Variants in QTMAN observed in about 807,000 individuals in gnomAD.
The protein encoded by QTMAN is tRNA-queuosine alpha-mannosyltransferase.
chr2:143,981,138 T>C, the QTMAN span, among the ~76,000 whole-genome samples: 24 of 152,240 alleles, frequency 1.6e-4, no homozygotes, highest in Non-Finnish European at 3.2e-4. Flanking sequence ...TTCTTGTATA[T>C]TATTTCATAT....
the QTMAN span, among the ~76,000 whole-genome samples, chr2:144,072,358 C>T: frequency 6.6e-6 from 1 of 152,274 alleles, no homozygotes; most frequent in South Asian, 2.1e-4. Flanking sequence ...TGTGTAAAGA[C>T]AATCTTACTT....
At chr2:144,332,976 C>T in the QTMAN span, among the ~76,000 whole-genome samples, 3 of 152,168 alleles carry the variant, frequency 2.0e-5, no homozygotes, top group African/African-American at 7.2e-5. Context: ...TTTCCTGGTC[C>T]ACTCCCCGGC....
the QTMAN span, among the ~76,000 whole-genome samples, chr2:144,287,228 A>AG: frequency 6.6e-6 from 1 of 152,190 alleles, no homozygotes; most frequent in African/African-American, 2.4e-5. Context: ...CAAGGTCAGG[A>AG]GATCAAGACC....
At chr2:144,073,232 T>C in the QTMAN span, among the ~76,000 whole-genome samples, 2 of 149,372 alleles carry the variant, frequency 1.3e-5, no homozygotes, top group South Asian at 2.1e-4. Flanking sequence ...GGATTAAACA[T>C]ATATATATTT....
chr2:143,992,924 T>C, the QTMAN span, among the ~76,000 whole-genome samples: 1 of 152,164 alleles, frequency 6.6e-6, no homozygotes, highest in Non-Finnish European at 1.5e-5. Context: ...ATTTCCACCT[T>C]GAATTCCTAA....
the QTMAN span, among the ~76,000 whole-genome samples, chr2:144,213,260 G>C: frequency 6.6e-6 from 1 of 152,076 alleles, no homozygotes; most frequent in African/African-American, 2.4e-5. Context: ...CCTAAGCCAT[G>C]ATCATTTTCA....
the QTMAN span, among the ~76,000 whole-genome samples, chr2:144,327,287 T>C: frequency 2.7e-5 from 4 of 150,812 alleles, no homozygotes; most frequent in East Asian, 8.0e-4. Context: ...GCAATATCCA[T>C]TATAATAAAC....
At chr2:144,233,901 T>C in the QTMAN span, among the ~76,000 whole-genome samples, 4 of 152,094 alleles carry the variant, frequency 2.6e-5, no homozygotes, top group Admixed American at 6.6e-5. Flanking sequence ...GTCCAAGTCA[T>C]ATAGTTACCT....
the QTMAN span, among the ~76,000 whole-genome samples, chr2:144,173,883 T>C: frequency 6.6e-6 from 1 of 152,126 alleles, no homozygotes; most frequent in African/African-American, 2.4e-5. Flanking sequence ...GCCTGTCACC[T>C]TCCTCCCCTC....
chr2:144,002,211 G>A, the QTMAN span, among the ~76,000 whole-genome samples: 4 of 151,780 alleles, frequency 2.6e-5, no homozygotes, highest in African/African-American at 7.3e-5. Flanking sequence ...TCATCCCCTC[G>A]ATAGATATCT....
At chr2:144,121,945 C>G in the QTMAN span, among the ~76,000 whole-genome samples, 1 of 151,936 alleles carries the variant, frequency 6.6e-6, no homozygotes, top group Non-Finnish European at 1.5e-5. Context: ...ATGGAGAGAG[C>G]CCAGTAGGTA....
chr2:144,221,981 G>T, the QTMAN span, among the ~76,000 whole-genome samples: 3 of 152,140 alleles, frequency 2.0e-5, no homozygotes, highest in African/African-American at 7.2e-5. Context: ...TACTTTGACA[G>T]TATGTTAGAA....
chr2:144,069,469 A>G, the QTMAN span, among the ~76,000 whole-genome samples: 1 of 152,108 alleles, frequency 6.6e-6, no homozygotes, highest in Admixed American at 6.6e-5. Flanking sequence ...TCCCAGTCAC[A>G]TTATGTCATA....
At chr2:144,053,148 AGAAAT>A in the QTMAN span, among the ~76,000 whole-genome samples, 1 of 152,270 alleles carries the variant, frequency 6.6e-6, no homozygotes, top group African/African-American at 2.4e-5. Context: ...CATTTTAAAA[AGAAAT>A]GAAATAAATA....
chr2:144,046,545 G>A, the QTMAN span, among the ~76,000 whole-genome samples: 1 of 152,142 alleles, frequency 6.6e-6, no homozygotes, highest in African/African-American at 2.4e-5. Flanking sequence ...GCTCATATAG[G>A]ATCCACTATT....
chr2:144,134,569 G>C, the QTMAN span, among the ~76,000 whole-genome samples: 1 of 152,158 alleles, frequency 6.6e-6, no homozygotes, highest in African/African-American at 2.4e-5. Flanking sequence ...ACCCACTGTT[G>C]TTTACTCTGT....
At chr2:144,197,433 T>C in the QTMAN span, among the ~76,000 whole-genome samples, 1 of 152,070 alleles carries the variant, frequency 6.6e-6, no homozygotes, top group African/African-American at 2.4e-5. Flanking sequence ...TTAGAACATT[T>C]ACGTGCATGG....
At chr2:143,994,456 A>G in the QTMAN span, among the ~76,000 whole-genome samples, 1 of 152,212 alleles carries the variant, frequency 6.6e-6, no homozygotes, top group Non-Finnish European at 1.5e-5. Flanking sequence ...CAAGAGCATT[A>G]TTCTTAACAG....
At chr2:144,324,512 T>C in the QTMAN span, among the ~76,000 whole-genome samples, 1 of 152,316 alleles carries the variant, frequency 6.6e-6, no homozygotes, top group East Asian at 1.9e-4. Flanking sequence ...CCGCAAAGGC[T>C]TGCTGCTCAT....
Sources: gnomAD v4.1 joint callset for allele counts (sites outside exome capture counted in the v4.1 genomes callset) on GRCh38, gnomAD v4.1.1 for gene constraint, MANE v1.5 for transcripts, NCBI Gene and HGNC (gene_info 2026-07-23, HGNC 2026-07-21) for gene names.